The following GPC6 variants were observed in gnomAD, a reference collection of about 807,000 sequenced individuals.
The protein encoded by GPC6 is glypican 6.
Under a neutral mutation model 55.2 loss-of-function variants are expected in GPC6, and 14 were observed. That is an observed-to-expected ratio of 0.25 (90% CI 0.17 to 0.40). GPC6 has a LOEUF of 0.40. GPC6 is among the 10% of genes least tolerant of loss of function. The pLI is 1.00. For missense variants in GPC6, 641 were observed against 708.5 expected, an observed-to-expected ratio of 0.90 and a Z score of 1.08; for synonymous variants, 278 against 259.6, an observed-to-expected ratio of 1.07 and a Z score of -0.68.
chr13:93,285,139 C>T (rs1878067971), intron 1 of GPC6, among the ~76,000 whole-genome samples: 1 of 152,120 alleles, frequency 6.6e-6, no homozygotes, highest in South Asian at 2.1e-4. Flanking sequence ...CCAGTGAGTT[C>T]CGGTGAGTTC....
intron 7 of GPC6, among the ~76,000 whole-genome samples, chr13:94,384,821 A>G (rs1594229318): frequency 6.6e-6 from 1 of 152,182 alleles, no homozygotes; most frequent in East Asian, 1.9e-4. Context: ...ACAGCTAAAT[A>G]CTGTCCTCCC....
chr13:93,314,646 G>T (rs550834188), intron 1 of GPC6, among the ~76,000 whole-genome samples: 2 of 152,000 alleles, frequency 1.3e-5, no homozygotes, highest in South Asian at 4.2e-4. Flanking sequence ...CATAACTGCA[G>T]CAGAGAATGC....
chr13:93,884,465 C>T (rs1566585595), intron 3 of GPC6, among the ~76,000 whole-genome samples: 2 of 151,918 alleles, frequency 1.3e-5, no homozygotes, highest in African/African-American at 4.8e-5. Flanking sequence ...TATAAACTCT[C>T]GTTCTTCACA....
At chr13:93,889,696 A>C (rs898397850) in intron 3 of GPC6, among the ~76,000 whole-genome samples, 1 of 152,136 alleles carries the variant, frequency 6.6e-6, no homozygotes, top group African/African-American at 2.4e-5. Context: ...TTTCAGAAGC[A>C]GTCAGCGAAA....
rs558613989 is a variant in GPC6, at chr13:93,259,835, G to A, written c.160+32219G>A. Reference sequence around the variant, plus strand: ...GTCAATTTCAATATCTTGTGTGGTAGCATCATTAGAATGGTATTGCTTCAT... The same window carrying A: ...GTCAATTTCAATATCTTGTGTGGTAACATCATTAGAATGGTATTGCTTCAT... On this transcript the variant is annotated intron_variant, in intron 1 of 8. Coordinates refer to ENST00000377047, the MANE Select transcript of GPC6 (RefSeq NM_005708.5). Among the ~76,000 whole-genome samples, 241 of 152,096 alleles carry A rather than the reference G, an allele frequency of 1.6e-3. 2 individuals are homozygous for A. Among genetic ancestry groups the A allele is most frequent in the Middle Eastern group, 6.8e-3 (2 of 294 alleles).
At chr13:93,623,039 T>C (rs1879026155) in intron 2 of GPC6, among the ~76,000 whole-genome samples, 1 of 152,192 alleles carries the variant, frequency 6.6e-6, no homozygotes, top group South Asian at 2.1e-4. Context: ...GCTTATTTGA[T>C]TTAACATATT....
intron 1 of GPC6, among the ~76,000 whole-genome samples, chr13:93,313,122 C>T (rs1879129461): frequency 1.3e-5 from 2 of 152,068 alleles, no homozygotes; most frequent in South Asian, 4.1e-4. Context: ...TTCAAAATGC[C>T]CCTATACTTG....
At chr13:94,067,722 T>A (rs1884579798) in intron 4 of GPC6, among the ~76,000 whole-genome samples, 1 of 152,184 alleles carries the variant, frequency 6.6e-6, no homozygotes, top group Non-Finnish European at 1.5e-5. Flanking sequence ...GCAAATAATA[T>A]GTGTGTGGCT....
chr13:93,936,061 T>C (rs143448502), intron 3 of GPC6, among the ~76,000 whole-genome samples: 18 of 152,282 alleles, frequency 1.2e-4, no homozygotes, highest in African/African-American at 3.9e-4. Context: ...AAATACCTAA[T>C]GTAATATACA....
At chr13:94,231,839 A>C (rs558494191) in intron 4 of GPC6, among the ~76,000 whole-genome samples, 1 of 152,088 alleles carries the variant, frequency 6.6e-6, no homozygotes, top group East Asian at 1.9e-4. Flanking sequence ...ACACAAAAAA[A>C]ATGTCTGCTT....
intron 3 of GPC6, among the ~76,000 whole-genome samples, chr13:93,882,107 G>A (rs145288899): frequency 6.1e-5 from 8 of 131,144 alleles, no homozygotes; most frequent in Admixed American, 1.6e-4. Context: ...CTTTTCTTTC[G>A]CGGATTTTAA....
intron 4 of GPC6, among the ~76,000 whole-genome samples, chr13:94,269,073 C>T (rs1425464715): frequency 6.6e-6 from 1 of 151,988 alleles, no homozygotes; most frequent in Non-Finnish European, 1.5e-5. Context: ...ATAACATCGA[C>T]CTCTTAGAAT....
chr13:94,040,178 T>G (rs1883480542), intron 4 of GPC6, among the ~76,000 whole-genome samples: 1 of 151,812 alleles, frequency 6.6e-6, no homozygotes, highest in Admixed American at 6.6e-5. Flanking sequence ...GATTTTAAGC[T>G]GAAGCATGAA....
chr13:93,877,195 TTTAA>T (rs1273013956), intron 3 of GPC6, among the ~76,000 whole-genome samples: 1 of 152,022 alleles, frequency 6.6e-6, no homozygotes, highest in East Asian at 1.9e-4. Context: ...GACTGACACA[TTTAA>T]TTAGAGGAAG....
intron 2 of GPC6, among the ~76,000 whole-genome samples, chr13:93,801,274 C>T (rs769886047): frequency 6.6e-6 from 1 of 152,060 alleles, no homozygotes; most frequent in Non-Finnish European, 1.5e-5. Flanking sequence ...TCTTTTCAGG[C>T]TGTATGTATT....
At chr13:93,945,915 G>T (rs1412625981) in intron 3 of GPC6, among the ~76,000 whole-genome samples, 1 of 152,140 alleles carries the variant, frequency 6.6e-6, no homozygotes. Context: ...AATGATATCA[G>T]TCACTACTGA....
At chr13:93,874,730 CTTG>C (rs1419347251) in intron 3 of GPC6, among the ~76,000 whole-genome samples, 3 of 151,532 alleles carry the variant, frequency 2.0e-5, no homozygotes, top group African/African-American at 7.3e-5. Flanking sequence ...AGCTCTTGTC[CTTG>C]TTGTTATTCC....
intron 3 of GPC6, among the ~76,000 whole-genome samples, chr13:93,958,236 A>G (rs945087715): frequency 1.3e-5 from 2 of 152,114 alleles, no homozygotes; most frequent in South Asian, 2.1e-4. Flanking sequence ...TTACTTGTCA[A>G]TATTTGTTTT....
intron 2 of GPC6, among the ~76,000 whole-genome samples, chr13:93,564,802 A>G (rs1396343512): frequency 2.0e-5 from 3 of 152,282 alleles, no homozygotes; most frequent in Non-Finnish European, 4.4e-5. Flanking sequence ...GATTTTTCAT[A>G]CAAAATAACT....
Sources: allele counts gnomAD v4.1 joint callset (sites outside exome capture counted in the v4.1 genomes callset), GRCh38; gene constraint gnomAD v4.1.1; transcripts MANE v1.5; gene names NCBI Gene and HGNC (gene_info 2026-07-23, HGNC 2026-07-21).